Variants in MYO3A observed in about 807,000 individuals in gnomAD.
The protein encoded by MYO3A is myosin IIIA.
A neutral mutation model predicts 192.7 loss-of-function variants in MYO3A; 180 were observed. The ratio of observed to expected loss-of-function variants is 0.93; its 90% CI spans 0.83 to 1.06. The LOEUF (loss-of-function observed/expected upper bound fraction) is 1.06. MYO3A is among the 50% of genes least tolerant of loss of function. The pLI is 0.00. For synonymous variants in MYO3A, 628 were observed against 645.3 expected, an observed-to-expected ratio of 0.97 and a Z score of 0.41; for missense variants, 1,896 against 1,905.0, an observed-to-expected ratio of 1.00 and a Z score of 0.09.
intron 4 of MYO3A, among the ~76,000 whole-genome samples, chr10:25,964,492 C>T (rs1838141264): frequency 6.6e-6 from 1 of 152,116 alleles, no homozygotes. Flanking sequence ...CTCACCTTAG[C>T]TTAGCTTTGT....
chr10:26,012,478 A>G (rs1052399465), intron 6 of MYO3A, among the ~76,000 whole-genome samples: 4 of 152,132 alleles, frequency 2.6e-5, no homozygotes, highest in East Asian at 1.9e-4. Flanking sequence ...CGAGGACTCA[A>G]TCCTTTTACA....
At chr10:26,152,867 C>T (rs1163317773) in intron 23 of MYO3A, among the ~76,000 whole-genome samples, 1 of 152,134 alleles carries the variant, frequency 6.6e-6, no homozygotes, top group Non-Finnish European at 1.5e-5. Flanking sequence ...GGGGAGGAAG[C>T]AGAGCAGAGG....
chr10:26,024,060 C>A lies in MYO3A; in HGVS notation c.770C>A (p.Ser257Ter). Residue 257 changes from serine (S) to a stop codon, truncating the protein, a stop_gained, in exon 9 of 35, where the codon TCA (serine) becomes TAA (stop). Transcript: ENST00000642920. LOFTEE classifies it high-confidence loss of function. Reference sequence around the variant, plus strand: ...AAACTAAGGCAGCCTGAGCTATGGTCAGCAGAATTCAATGACTTCATAAGC... The same window carrying A: ...AAACTAAGGCAGCCTGAGCTATGGTAAGCAGAATTCAATGACTTCATAAGC... ...PPKLRQPELW[S>*]AEFNDFISKC... The A allele has an allele frequency of 6.2e-7, 1 of 1,613,064 alleles. No individual in the cohort carries two copies. The highest frequency in any genetic ancestry group is 1.1e-5 in the South Asian group (1 of 90,988).
intron 15 of MYO3A, among the ~76,000 whole-genome samples, chr10:26,095,696 C>T (rs761534676): frequency 2.8e-4 from 43 of 152,290 alleles, no homozygotes; most frequent in Non-Finnish European, 5.4e-4. Flanking sequence ...ATCATATTCC[C>T]TTAATGGCAT....
intron 31 of MYO3A, among the ~76,000 whole-genome samples, chr10:26,181,488 A>G (rs1411165324): frequency 6.6e-6 from 1 of 152,186 alleles, no homozygotes; most frequent in Non-Finnish European, 1.5e-5. Flanking sequence ...GCGTAGAAAG[A>G]GCTCTTTATA....
At chr10:26,065,288 A>G (rs528881866) in intron 10 of MYO3A, among the ~76,000 whole-genome samples, 2 of 152,318 alleles carry the variant, frequency 1.3e-5, no homozygotes, top group South Asian at 4.1e-4. Context: ...GAAAGCCTGA[A>G]GAAACTAAGT....
chr10:26,200,786 T>G (rs1224731240), intron 32 of MYO3A: 1 of 152,376 alleles, frequency 6.6e-6, no homozygotes, highest in Non-Finnish European at 1.5e-5. Flanking sequence ...TATAGGTTTA[T>G]GAAGTCACAA....
At chr10:26,189,324 C>G (rs1843013707) in intron 31 of MYO3A, among the ~76,000 whole-genome samples, 1 of 152,148 alleles carries the variant, frequency 6.6e-6, no homozygotes, top group Admixed American at 6.5e-5. Context: ...TTCTGAGCTA[C>G]TGGAGGTTAA....
intron 9 of MYO3A, among the ~76,000 whole-genome samples, chr10:26,025,038 G>C (rs1588805411): frequency 6.6e-6 from 1 of 152,140 alleles, no homozygotes. Flanking sequence ...TTAAAGATTT[G>C]ATAAAGTTTT....
At chr10:26,068,921 C>A in intron 12 of MYO3A, 37 bp downstream of exon 12, 1 of 1,243,172 alleles carries the variant, frequency 8.0e-7, no homozygotes, top group Non-Finnish European at 1.2e-6. Context: ...ACTTCATACA[C>A]ATAATTATAC....
chr10:25,973,885 C>T (rs1838812838), intron 4 of MYO3A, among the ~76,000 whole-genome samples: 1 of 152,118 alleles, frequency 6.6e-6, no homozygotes, highest in Non-Finnish European at 1.5e-5. Flanking sequence ...ACTGGCTAGC[C>T]ATATGCAGAA....
At chr10:25,999,332 T>G (rs1840638324) in intron 6 of MYO3A, among the ~76,000 whole-genome samples, 1 of 152,226 alleles carries the variant, frequency 6.6e-6, no homozygotes, top group East Asian at 1.9e-4. Context: ...AATGCATTCC[T>G]AGTATCTGAC....
At chr10:26,007,781 C>A (rs1456083797) in intron 6 of MYO3A, among the ~76,000 whole-genome samples, 2 of 150,886 alleles carry the variant, frequency 1.3e-5, no homozygotes, top group Non-Finnish European at 2.9e-5. Flanking sequence ...TAGGAAGAAT[C>A]AATATCGTGA....
intron 31 of MYO3A, among the ~76,000 whole-genome samples, chr10:26,183,907 G>C (rs982844480): frequency 6.6e-6 from 1 of 152,124 alleles, no homozygotes; most frequent in Non-Finnish European, 1.5e-5. Flanking sequence ...CAGAGTAGAC[G>C]CAAGAGGTCA....
chr10:26,184,417 A>C (rs1017120688), intron 31 of MYO3A, among the ~76,000 whole-genome samples: 1 of 152,216 alleles, frequency 6.6e-6, no homozygotes, highest in Admixed American at 6.5e-5. Flanking sequence ...TTAAGGAAAA[A>C]ATTACAGTAA....
At chr10:26,125,643 T>C in intron 19 of MYO3A, 35 bp downstream of exon 19, 1 of 1,539,902 alleles carries the variant, frequency 6.5e-7, no homozygotes, top group South Asian at 1.1e-5. Flanking sequence ...TTTTCCCAAA[T>C]GTCAGGTGAT....
chr10:26,176,534 G>A (rs1454830757), intron 30 of MYO3A, among the ~76,000 whole-genome samples, 167 bp from the exon 31 acceptor site: 1 of 152,196 alleles, frequency 6.6e-6, no homozygotes, highest in Non-Finnish European at 1.5e-5. Flanking sequence ...GGGGAAGGTT[G>A]TCAGGTGAGA....
intron 25 of MYO3A, among the ~76,000 whole-genome samples, chr10:26,157,096 G>A (rs1841181792): frequency 6.6e-6 from 1 of 152,022 alleles, no homozygotes; most frequent in Non-Finnish European, 1.5e-5. Flanking sequence ...TCTAGTTACT[G>A]CCTCTACATT....
At chr10:26,040,409 G>A (rs776693375) in intron 10 of MYO3A, among the ~76,000 whole-genome samples, 41 of 152,056 alleles carry the variant, frequency 2.7e-4, no homozygotes, top group Non-Finnish European at 4.9e-4. Flanking sequence ...GTTCAAGAAC[G>A]ATGTTAACAT....
Sources: allele counts gnomAD v4.1 joint callset (sites outside exome capture counted in the v4.1 genomes callset), GRCh38; gene constraint gnomAD v4.1.1; transcripts MANE v1.5; gene names NCBI Gene and HGNC (gene_info 2026-07-23, HGNC 2026-07-21).